The following ILDR1 variants were observed in gnomAD, a reference collection of about 807,000 sequenced individuals.
ILDR1 encodes the protein immunoglobulin like domain containing receptor 1, also known as immunoglobulin-like domain-containing receptor 1.
A neutral mutation model predicts 62.4 loss-of-function variants in ILDR1; 56 were observed. That is an observed-to-expected ratio of 0.90 (90% CI 0.72 to 1.12). The LOEUF is 1.12. Ranked by LOEUF, ILDR1 falls within the 50% of genes most tolerant of loss-of-function variation. ILDR1 has a pLI of 0.00. For missense variants in ILDR1, 736 were observed against 710.6 expected (o/e 1.04, Z -0.41); for synonymous variants, 284 against 277.8 (o/e 1.02, Z -0.22).
chr3:122,023,432 C>A (rs778937882), upstream of ILDR1, among the ~76,000 whole-genome samples: 4 of 152,166 alleles, frequency 2.6e-5, no homozygotes, highest in Non-Finnish European at 4.4e-5. Flanking sequence ...TCATTAAATT[C>A]ATTAAACACA....
upstream of ILDR1, among the ~76,000 whole-genome samples, chr3:122,025,835 A>G (rs1031230743): frequency 6.6e-6 from 1 of 152,198 alleles, no homozygotes; most frequent in Non-Finnish European, 1.5e-5. Context: ...GCTGATTGAC[A>G]CTAGAAGATT....
chr3:121,991,637 G>T (rs868121939), intron 7 of ILDR1, among the ~76,000 whole-genome samples: 2 of 152,170 alleles, frequency 1.3e-5, no homozygotes, highest in Non-Finnish European at 2.9e-5. Context: ...TCACTATTTT[G>T]TTGATCCTTG....
At chr3:122,006,872 C>T in intron 2 of ILDR1, 119 bp downstream of exon 2, 1 of 1,088,532 alleles carries the variant, frequency 9.2e-7, no homozygotes, top group South Asian at 1.4e-5. Flanking sequence ...ATTAGGTGAT[C>T]TTTGTGTCTT....
At chr3:122,057,742 C>G in the ILDR1 span, among the ~76,000 whole-genome samples, 4 of 152,148 alleles carry the variant, frequency 2.6e-5, no homozygotes, top group Non-Finnish European at 5.9e-5. Flanking sequence ...TCTCTTGAAT[C>G]CTCTTCAAAA....
chr3:122,041,906 T>G, the ILDR1 span, among the ~76,000 whole-genome samples: 1 of 143,982 alleles, frequency 6.9e-6, no homozygotes, highest in Non-Finnish European at 1.5e-5. Flanking sequence ...CTTTATTTCT[T>G]TTTCTTTTTT....
At chr3:121,992,695 A>G (rs993977387) in intron 7 of ILDR1, among the ~76,000 whole-genome samples, 6 of 152,212 alleles carry the variant, frequency 3.9e-5, no homozygotes, top group African/African-American at 1.4e-4. Flanking sequence ...TGCTGACTTA[A>G]CAAGTGTCTT....
chr3:122,045,635 G>A, the ILDR1 span, among the ~76,000 whole-genome samples: 1 of 151,388 alleles, frequency 6.6e-6, no homozygotes, highest in Non-Finnish European at 1.5e-5. Context: ...AGGATAGTTA[G>A]CTCCTCTTGT....
At chr3:121,988,541 A>G in intron 7 of ILDR1, 133 bp from the exon 8 acceptor site, 2 of 732,700 alleles carry the variant, frequency 2.7e-6, no homozygotes, top group Admixed American at 4.0e-5. Context: ...ATCTGAACCT[A>G]AAAAGTATTT....
At chr3:122,001,666 G>GT (rs1229760440) in intron 4 of ILDR1, 79 bp downstream of exon 4, 279 of 1,432,996 alleles carry the variant, frequency 1.9e-4, no homozygotes, top group African/African-American at 1.2e-3. Context: ...GCTTATTTCT[G>GT]GTTTTTTTTT....
At chr3:121,991,421 C>T (rs1305477298) in intron 7 of ILDR1, among the ~76,000 whole-genome samples, 1 of 152,094 alleles carries the variant, frequency 6.6e-6, no homozygotes, top group Non-Finnish European at 1.5e-5. Context: ...AATGAAGAGA[C>T]CTGGTTTAGT....
At chr3:122,008,593 CT>C (rs10546593) in intron 1 of ILDR1, among the ~76,000 whole-genome samples, 1,881 of 80,014 alleles carry the variant, frequency 0.024, 13 homozygotes, top group African/African-American at 0.035. Context: ...CTTTTCTTTT[CT>C]TTTTTTTTTT....
upstream of ILDR1, among the ~76,000 whole-genome samples, chr3:122,025,773 A>G (rs2071913828): frequency 6.6e-6 from 1 of 152,222 alleles, no homozygotes; most frequent in Non-Finnish European, 1.5e-5. Flanking sequence ...TCAGGTAAGT[A>G]AAAATCATGC....
At chr3:122,027,861 A>C in the ILDR1 span, among the ~76,000 whole-genome samples, 1 of 152,214 alleles carries the variant, frequency 6.6e-6, no homozygotes, top group Non-Finnish European at 1.5e-5. Context: ...CCTCCAATTT[A>C]TAGCCAGACG....
intron 1 of ILDR1, among the ~76,000 whole-genome samples, chr3:122,008,403 T>G (rs573525460): frequency 6.6e-6 from 1 of 152,196 alleles, no homozygotes; most frequent in East Asian, 1.9e-4. Context: ...CTAGGCCAAG[T>G]TGTGAAGGGG....
At chr3:121,997,509 T>C (rs924595081) in intron 5 of ILDR1, among the ~76,000 whole-genome samples, 19 of 152,368 alleles carry the variant, frequency 1.2e-4, no homozygotes, top group African/African-American at 3.6e-4. Context: ...TTCCCCTGCC[T>C]GTGAACTTTC....
At chr3:122,057,604 T>C in the ILDR1 span, among the ~76,000 whole-genome samples, 1 of 152,204 alleles carries the variant, frequency 6.6e-6, no homozygotes, top group Non-Finnish European at 1.5e-5. Context: ...TAAAGTTAAA[T>C]ATTTAAGATT....
rs2071536494 is a variant in ILDR1 at position 122,002,015 on chromosome 3, C to T, written c.380-151G>A. ...ATTATCCAGCCATGGTGGCATGTGC[C>T]TATAGTCCCAGCTTCTCTGGAGACC... On this transcript the variant is annotated intron_variant, in intron 3 of 7. Transcript: ENST00000344209. The T allele has an allele frequency of 5.1e-6, 3 of 592,884 alleles. No homozygotes were observed. In the African/African-American group the frequency reaches 8.5e-5, roughly 17 times the overall value. 36.7% of individuals were successfully genotyped at this position (592,884 alleles called of 1,614,324 possible).
intron 7 of ILDR1, 48 bp downstream of exon 7, chr3:121,993,102 G>C: frequency 7.0e-7 from 1 of 1,418,720 alleles, no homozygotes; most frequent in Non-Finnish European, 9.7e-7. Flanking sequence ...CTGGCTGGAG[G>C]CTCCTCTCTG....
chr3:122,052,445 C>T, the ILDR1 span, among the ~76,000 whole-genome samples: 134 of 152,086 alleles, frequency 8.8e-4, 2 homozygotes, highest in Middle Eastern at 3.4e-3. Context: ...AATATATCAC[C>T]CAGTATTTTT....
Sources: allele counts gnomAD v4.1 joint callset (sites outside exome capture counted in the v4.1 genomes callset), GRCh38; gene constraint gnomAD v4.1.1; transcripts MANE v1.5; gene names NCBI Gene and HGNC (gene_info 2026-07-23, HGNC 2026-07-21).